The following SLCO3A1 variants were observed in gnomAD, a reference collection of about 807,000 sequenced individuals.
SLCO3A1 encodes solute carrier organic anion transporter family member 3A1, also known as PGE1 transporter.
A neutral mutation model predicts 63.1 loss-of-function variants in SLCO3A1; 27 were observed. That is an observed-to-expected ratio of 0.43 (90% CI 0.32 to 0.59). The LOEUF is 0.59. SLCO3A1 is among the 20% of genes least tolerant of loss of function. The pLI is 0.09. For missense variants in SLCO3A1, 773 were observed against 945.8 expected (o/e 0.82, Z 2.40); for synonymous variants, 473 against 409.9 (o/e 1.15, Z -1.86).
At chr15:91,889,046 C>T (rs1437343630) in intron 1 of SLCO3A1, 3 of 559,708 alleles carry the variant, frequency 5.4e-6, no homozygotes, top group Non-Finnish European at 4.8e-6. Context: ...AAAAAAAAAA[C>T]CTACAATTAT....
intron 4 of SLCO3A1, among the ~76,000 whole-genome samples, chr15:92,116,154 T>C (rs1434382863): frequency 6.6e-6 from 1 of 152,190 alleles, no homozygotes; most frequent in Non-Finnish European, 1.5e-5. Context: ...AGTCCCAAGA[T>C]CACAGGTTTG....
intron 2 of SLCO3A1, among the ~76,000 whole-genome samples, chr15:91,969,239 A>C (rs576791546): frequency 1.3e-5 from 2 of 152,140 alleles, no homozygotes; most frequent in African/African-American, 2.4e-5. Context: ...ATATCTGACT[A>C]CTACATGTGG....
chr15:92,146,953 C>T, intron 7 of SLCO3A1, 31 bp from the exon 8 acceptor site: 1 of 1,566,006 alleles, frequency 6.4e-7, no homozygotes, highest in Non-Finnish European at 8.6e-7. Flanking sequence ...GAAGTACCCC[C>T]AGATAAAAGG....
intron 2 of SLCO3A1, among the ~76,000 whole-genome samples, chr15:91,949,341 C>T (rs1229499124): frequency 6.6e-6 from 1 of 152,116 alleles, no homozygotes; most frequent in Non-Finnish European, 1.5e-5. Context: ...ATGCGGAGGG[C>T]AGTTGTGAGG....
At chr15:92,147,472 A>G (rs906974640) in intron 8 of SLCO3A1, among the ~76,000 whole-genome samples, 2 of 152,158 alleles carry the variant, frequency 1.3e-5, no homozygotes, top group Non-Finnish European at 2.9e-5. Context: ...GGAAAATGAA[A>G]GTGGCGTCAG....
At chr15:92,080,720 G>A (rs1054206910) in intron 2 of SLCO3A1, among the ~76,000 whole-genome samples, 18 of 152,146 alleles carry the variant, frequency 1.2e-4, no homozygotes, top group African/African-American at 1.9e-4. Flanking sequence ...CACTCGTGGC[G>A]GCATACAGTG....
chr15:92,040,058 G>T (rs1241429137), intron 2 of SLCO3A1, among the ~76,000 whole-genome samples: 1 of 152,120 alleles, frequency 6.6e-6, no homozygotes, highest in Non-Finnish European at 1.5e-5. Context: ...AGGCTTGGGG[G>T]CAAGGGGAGG....
chr15:91,959,682 C>G (rs1276776461), intron 2 of SLCO3A1, among the ~76,000 whole-genome samples: 1 of 143,896 alleles, frequency 6.9e-6, no homozygotes, highest in African/African-American at 2.6e-5. Context: ...TGAGATCACG[C>G]CACTGCACTC....
chr15:92,126,009 G>A, intron 5 of SLCO3A1, 52 bp from the exon 6 acceptor site: 1 of 1,532,470 alleles, frequency 6.5e-7, no homozygotes. Flanking sequence ...CCTGTCTGTA[G>A]ACTGGCCCCA....
At chr15:92,067,985 C>T (rs899482782) in intron 2 of SLCO3A1, among the ~76,000 whole-genome samples, 2 of 152,142 alleles carry the variant, frequency 1.3e-5, no homozygotes, top group Non-Finnish European at 2.9e-5. Context: ...TAAGGGCACT[C>T]ACCCTATTCA....
chr15:92,009,341 G>T (rs570598405), intron 2 of SLCO3A1, among the ~76,000 whole-genome samples: 2 of 152,148 alleles, frequency 1.3e-5, no homozygotes, highest in Non-Finnish European at 2.9e-5. Flanking sequence ...AGTGTCCTGG[G>T]CTCCTTCACA....
At chr15:92,111,602 T>G (rs1323490951) in intron 4 of SLCO3A1, among the ~76,000 whole-genome samples, 3 of 152,196 alleles carry the variant, frequency 2.0e-5, no homozygotes, top group Non-Finnish European at 2.9e-5. Context: ...GCTTAAGTTC[T>G]TATCAATATT....
At chr15:91,890,662 G>T (rs1044377860) in intron 1 of SLCO3A1, among the ~76,000 whole-genome samples, 2 of 152,142 alleles carry the variant, frequency 1.3e-5, no homozygotes, top group Non-Finnish European at 2.9e-5. Context: ...CCAAATAAAG[G>T]CTCTTTGTCT....
chr15:92,157,884 A>G (rs540015532), intron 9 of SLCO3A1, among the ~76,000 whole-genome samples: 44 of 152,322 alleles, frequency 2.9e-4, no homozygotes, highest in African/African-American at 1.0e-3. Flanking sequence ...CATTGTATAA[A>G]CAGTGAAACT....
chr15:92,028,841 AGT>A lies in SLCO3A1; in HGVS notation c.647-66037_647-66036del, dbSNP rs2046608465. ...AATTTTTGTAGGATCTGGAAATGAG[AGT>A]GTTTTGCTTTTTGCTGGCGTATCAG... is the stretch of plus-strand genomic sequence containing the variant. On this transcript the variant is annotated intron_variant, in intron 2 of 9. Transcript: ENST00000318445. Among the ~76,000 whole-genome samples, 8 of 150,788 alleles carry A rather than the reference AGT, an allele frequency of 5.3e-5. No homozygotes were observed. In the South Asian group the frequency reaches 1.7e-3, roughly 31 times the overall value.
At chr15:92,080,938 CTG>C (rs542459686) in intron 2 of SLCO3A1, among the ~76,000 whole-genome samples, 12,638 of 128,596 alleles carry the variant, frequency 0.098, 546 homozygotes, top group Non-Finnish European at 0.11. Context: ...TACATAGTAG[CTG>C]TGTGTGTGTG....
rs753698142 is a variant in SLCO3A1, at chr15:91,885,856, A to G, written c.181-30137A>G. On this transcript the variant is annotated intron_variant, in intron 1 of 9. Transcript: ENST00000318445. The surrounding 1 kb of genome is among the most constrained non-coding windows in gnomAD (Gnocchi z 4.7). Reference sequence around the variant, plus strand: ...TGAAAGAAGTGTGAGATCAAATTATATAACTATTTGGAGCAAGAATGTTTC... The same window carrying G: ...TGAAAGAAGTGTGAGATCAAATTATGTAACTATTTGGAGCAAGAATGTTTC... Among the ~76,000 whole-genome samples, 14 of 152,216 alleles carry G rather than the reference A, an allele frequency of 9.2e-5. No individual in the cohort carries two copies. The highest frequency in any genetic ancestry group is 1.7e-4 in the African/African-American group (7 of 41,458).
chr15:91,958,303 C>T (rs1900312672), intron 2 of SLCO3A1, among the ~76,000 whole-genome samples: 1 of 152,232 alleles, frequency 6.6e-6, no homozygotes, highest in African/African-American at 2.4e-5. Flanking sequence ...GTGACCCTGT[C>T]GCCTGTGTTA....
intron 7 of SLCO3A1, among the ~76,000 whole-genome samples, chr15:92,144,599 A>T (rs941935090): frequency 2.6e-5 from 4 of 152,200 alleles, no homozygotes; most frequent in Admixed American, 6.5e-5. Flanking sequence ...TGGTTTCTCA[A>T]AATAATCAGC....
Sources: gnomAD v4.1 joint callset for allele counts (sites outside exome capture counted in the v4.1 genomes callset) on GRCh38, gnomAD v4.1.1 for gene constraint, Gnocchi (gnomAD v3.1) non-coding constraint, MANE v1.5 for transcripts, NCBI Gene and HGNC (gene_info 2026-07-23, HGNC 2026-07-21) for gene names.